Variants in AKAP7 observed in about 807,000 individuals in gnomAD.
The protein encoded by AKAP7 is A-kinase anchoring protein 7, also known as A kinase (PRKA) anchor protein 7.
Under a neutral mutation model 39.5 loss-of-function variants are expected in AKAP7, and 39 were observed. That is an observed-to-expected ratio of 0.99 (90% CI 0.76 to 1.29). The LOEUF is 1.29. Ranked by LOEUF, AKAP7 falls within the 50% of genes most tolerant of loss-of-function variation. The pLI is 0.00. For synonymous variants in AKAP7, 140 were observed against 139.1 expected, an observed-to-expected ratio of 1.01 and a Z score of -0.05; for missense variants, 414 against 407.7, an observed-to-expected ratio of 1.02 and a Z score of -0.13.
intron 1 of AKAP7, among the ~76,000 whole-genome samples, chr6:131,141,510 G>A (rs914981868): frequency 1.3e-5 from 2 of 152,204 alleles, no homozygotes; most frequent in Non-Finnish European, 2.9e-5. Context: ...CAAATGGACT[G>A]AGATAGAAAA....
rs1383923078 is a variant in AKAP7 at position 131,172,906 on chromosome 6, A to T, written c.589+3633A>T. 3.3e-5 allele frequency among the ~76,000 whole-genome samples: 5 copies of T among 152,266 alleles called. No individual in the cohort carries two copies. The East Asian group carries it at 9.7e-4, about 29-fold the overall frequency. On this transcript the variant is annotated intron_variant, in intron 5 of 7. Coordinates refer to ENST00000431975, the MANE Select transcript of AKAP7 (RefSeq NM_016377.4). ...AAATAACATGAGTTGATTAGAAAAA[A>T]TTCTTTTTGGCTGGGTGCGGCGGCT...
chr6:131,268,684 ACCTTATT>A (rs1814019033), intron 7 of AKAP7, among the ~76,000 whole-genome samples: 1 of 152,196 alleles, frequency 6.6e-6, no homozygotes, highest in Non-Finnish European at 1.5e-5. Flanking sequence ...CAGGAAAGTG[ACCTTATT>A]TCTGCTCATA....
chr6:131,183,711 T>G (rs1746471), intron 5 of AKAP7, among the ~76,000 whole-genome samples: 2 of 151,504 alleles, frequency 1.3e-5, no homozygotes, highest in Admixed American at 6.6e-5. Flanking sequence ...TGGGGTGGGG[T>G]GGACTGGGAC....
At chr6:131,247,061 T>G (rs1245355202) in intron 7 of AKAP7, among the ~76,000 whole-genome samples, 2 of 151,954 alleles carry the variant, frequency 1.3e-5, no homozygotes, top group Non-Finnish European at 2.9e-5. Context: ...AGAGCTGTCT[T>G]AGAGATTAAA....
At chr6:131,198,331 GC>G (rs1457414218) in intron 5 of AKAP7, among the ~76,000 whole-genome samples, 6 of 152,120 alleles carry the variant, frequency 3.9e-5, no homozygotes, top group African/African-American at 7.2e-5. Context: ...AAAAATGAGG[GC>G]CATATTGACC....
chr6:131,181,910 G>A (rs1805293816), intron 5 of AKAP7, among the ~76,000 whole-genome samples: 2 of 152,094 alleles, frequency 1.3e-5, no homozygotes, highest in South Asian at 2.1e-4. Context: ...GATCACTTGA[G>A]GTTAGGAGTT....
At chr6:131,199,624 TA>T in intron 6 of AKAP7, 51 bp downstream of exon 6, 1 of 1,382,150 alleles carries the variant, frequency 7.2e-7, no homozygotes, top group Non-Finnish European at 1.0e-6. Flanking sequence ...ACACCAGCCA[TA>T]AGCATGGTCT....
At chr6:131,250,330 G>A in intron 7 of AKAP7, 1 of 1,329,792 alleles carries the variant, frequency 7.5e-7, no homozygotes, top group Non-Finnish European at 9.7e-7. Flanking sequence ...CTGAATGCCA[G>A]TCCCAGAGCA....
At chr6:131,155,235 A>T (rs1317410377) in intron 2 of AKAP7, among the ~76,000 whole-genome samples, 1 of 152,084 alleles carries the variant, frequency 6.6e-6, no homozygotes, top group Non-Finnish European at 1.5e-5. Context: ...CCTGGTTTTA[A>T]ATTCCTTGCC....
intron 7 of AKAP7, among the ~76,000 whole-genome samples, chr6:131,235,393 G>C (rs1810964165): frequency 1.3e-5 from 2 of 152,200 alleles, no homozygotes; most frequent in African/African-American, 4.8e-5. Context: ...CTTTATAGCA[G>C]CATGTTTTAT....
rs1051225859 is a variant in AKAP7, at chr6:131,282,663, C to A, written c.*937C>A. 8 of 1,403,876 alleles carry A rather than the reference C, an allele frequency of 5.7e-6. No individual in the cohort carries two copies. The African/African-American group carries it at 1.0e-4, about 18-fold the overall frequency. 87.0% of individuals were successfully genotyped at this position (1,403,876 alleles called of 1,614,324 possible). On this transcript the variant is annotated 3_prime_UTR_variant, in exon 8 of 8. Coordinates refer to ENST00000431975, the MANE Select transcript of AKAP7 (RefSeq NM_016377.4). ...GAAATCTTTTCAGCTTATTAAGTAG[C>A]TCTTTGGTAAACACCAAAGAAGTTT...
chr6:131,177,165 T>C (rs1259741385), intron 5 of AKAP7, among the ~76,000 whole-genome samples: 1 of 152,220 alleles, frequency 6.6e-6, no homozygotes, highest in Admixed American at 6.5e-5. Flanking sequence ...ATTATCTTAT[T>C]AAATATCAAT....
intron 7 of AKAP7, among the ~76,000 whole-genome samples, chr6:131,255,880 T>C (rs540668413): frequency 3.3e-5 from 5 of 152,236 alleles, no homozygotes; most frequent in Non-Finnish European, 5.9e-5. Context: ...AATCTTCCTC[T>C]TTGACTTCCC....
intron 2 of AKAP7, among the ~76,000 whole-genome samples, chr6:131,146,404 T>C (rs931427639): frequency 2.5e-4 from 38 of 152,276 alleles, no homozygotes; most frequent in African/African-American, 8.7e-4. Flanking sequence ...GGCCAGGAGT[T>C]TGAGACCAGC....
intron 4 of AKAP7, among the ~76,000 whole-genome samples, chr6:131,168,211 A>C (rs1388886928): frequency 6.6e-6 from 1 of 152,146 alleles, no homozygotes; most frequent in Admixed American, 6.6e-5. Flanking sequence ...TGGGAGTTTG[A>C]GACCAGCTTT....
intron 6 of AKAP7, among the ~76,000 whole-genome samples, chr6:131,215,297 G>C (rs558614099): frequency 7.5e-4 from 114 of 152,376 alleles, no homozygotes; most frequent in African/African-American, 2.6e-3. Context: ...CAGCCACATA[G>C]ACTGGCCCAG....
At chr6:131,280,309 TTAGGGTGTTGC>T (rs1381259955) in intron 7 of AKAP7, among the ~76,000 whole-genome samples, 2 of 152,166 alleles carry the variant, frequency 1.3e-5, no homozygotes, top group Non-Finnish European at 2.9e-5. Flanking sequence ...TCTCTTCTGC[TTAGGGTGTTGC>T]TAGGAATGAT....
chr6:131,280,230 A>G (rs1410293123), intron 7 of AKAP7, among the ~76,000 whole-genome samples: 1 of 152,164 alleles, frequency 6.6e-6, no homozygotes, highest in African/African-American at 2.4e-5. Context: ...CATATTGCCC[A>G]TATTTGAGGA....
intron 3 of AKAP7, among the ~76,000 whole-genome samples, chr6:131,163,085 T>G (rs1803151051): frequency 6.6e-6 from 1 of 152,114 alleles, no homozygotes. Context: ...TACTTAAAAA[T>G]AATAAATACA....
Sources: gnomAD v4.1 joint callset for allele counts (sites outside exome capture counted in the v4.1 genomes callset) on GRCh38, gnomAD v4.1.1 for gene constraint, MANE v1.5 for transcripts, NCBI Gene and HGNC (gene_info 2026-07-23, HGNC 2026-07-21) for gene names.